RHBDL2: variants seen among roughly 807,000 people sequenced by gnomAD.
RHBDL2 encodes the protein rhomboid like 2.
Under a neutral mutation model 31.7 loss-of-function variants are expected in RHBDL2, and 26 were observed. That is an observed-to-expected ratio of 0.82 (90% CI 0.60 to 1.14). The LOEUF is 1.14. Ranked by LOEUF, RHBDL2 falls within the 50% of genes most tolerant of loss-of-function variation. The probability of loss-of-function intolerance (pLI) is 0.00; values close to 1 mark genes in which losing one functional copy is unlikely to be tolerated. For synonymous variants in RHBDL2, 123 were observed against 127.2 expected, an observed-to-expected ratio of 0.97 and a Z score of 0.22; for missense variants, 336 against 364.4, an observed-to-expected ratio of 0.92 and a Z score of 0.63.
chr1:38,934,922 C>T (rs1380520289), intron 1 of RHBDL2, among the ~76,000 whole-genome samples: 2 of 150,700 alleles, frequency 1.3e-5, no homozygotes, highest in Non-Finnish European at 2.9e-5. Context: ...CATGCCACTG[C>T]ACTCCAGCCT....
chr1:38,896,077 A>T lies in RHBDL2; in HGVS notation c.509-8T>A. On this transcript the variant is annotated splice_region_variant and splice_polypyrimidine_tract_variant and intron_variant, in intron 4 of 7. Coordinates refer to ENST00000372990, the MANE Select transcript of RHBDL2 (RefSeq NM_017821.5). Reference sequence around the variant, plus strand: ...TGGAGCTGGCAAGGGACCCTAAAGAAATAAAACACAAAGGATCAGACATGA... The same window carrying T: ...TGGAGCTGGCAAGGGACCCTAAAGATATAAAACACAAAGGATCAGACATGA... The T allele has an allele frequency of 6.3e-7, 1 of 1,581,862 alleles. No homozygotes were observed. The highest frequency in any genetic ancestry group is 8.7e-7 in the Non-Finnish European group (1 of 1,151,038).
At chr1:38,906,675 A>G (rs1643071605) in intron 4 of RHBDL2, among the ~76,000 whole-genome samples, 1 of 149,450 alleles carries the variant, frequency 6.7e-6, no homozygotes. Context: ...CTCCATCTCA[A>G]AAAAAAAAAA....
At chr1:38,902,673 G>C (rs977575615) in intron 4 of RHBDL2, among the ~76,000 whole-genome samples, 12 of 151,806 alleles carry the variant, frequency 7.9e-5, no homozygotes, top group African/African-American at 2.9e-4. Flanking sequence ...GCCCACCTCG[G>C]CCTCCCCAAG....
intron 3 of RHBDL2, among the ~76,000 whole-genome samples, chr1:38,912,900 ATATATATATATGTGTGTGTG>A (rs71057161): frequency 0.39 from 37,541 of 96,732 alleles, 6,663 homozygotes; most frequent in Non-Finnish European, 0.49. Context: ...ATATATATAT[ATATATATATATGTGTGTGTG>A]TGTGTGTGTG....
chr1:38,912,910 A>ATATATATATATATATG (rs1399583863), intron 3 of RHBDL2, among the ~76,000 whole-genome samples: 2 of 41,392 alleles, frequency 4.8e-5, no homozygotes, highest in Admixed American at 2.9e-4. Flanking sequence ...ATATATATAT[A>ATATATATATATATATG]TGTGTGTGTG....
chr1:38,912,910 A>ATATATATATGTGTGTG (rs1399583863), intron 3 of RHBDL2, among the ~76,000 whole-genome samples: 9 of 41,360 alleles, frequency 2.2e-4, no homozygotes, highest in African/African-American at 8.3e-4. Flanking sequence ...ATATATATAT[A>ATATATATATGTGTGTG]TGTGTGTGTG....
chr1:38,916,640 G>A (rs1643239302), intron 2 of RHBDL2, among the ~76,000 whole-genome samples: 1 of 151,862 alleles, frequency 6.6e-6, no homozygotes, highest in South Asian at 2.1e-4. Flanking sequence ...CTGAGGTCAG[G>A]AGTTCAAGAC....
rs1642915646 is a variant in RHBDL2, at chr1:38,896,035, T to C, written c.543A>G (p.Arg181=). Residue 181 remains arginine (R), a synonymous_variant, in exon 5 of 8, where the codon AGA becomes AGG. Transcript: ENST00000372990. ...CTCCTCCTGAAGCTCCCACAAGATA[T>C]CTGAGTGGGTCAAAGATGGAGCTGG... ...SLASSIFDPL[R]YLVGASGGVY... 1 of 1,613,680 alleles carries C rather than the reference T, an allele frequency of 6.2e-7. No homozygotes were observed. Among genetic ancestry groups the C allele is most frequent in the East Asian group, 2.2e-5 (1 of 44,880 alleles).
At chr1:38,889,907 C>A (rs1214155484) in intron 6 of RHBDL2, among the ~76,000 whole-genome samples, 1 of 152,164 alleles carries the variant, frequency 6.6e-6, no homozygotes, top group Non-Finnish European at 1.5e-5. Flanking sequence ...TGACTAGATT[C>A]CCTTTCAATA....
At chr1:38,923,455 AG>A (rs1240667489) in intron 1 of RHBDL2, among the ~76,000 whole-genome samples, 1 of 152,184 alleles carries the variant, frequency 6.6e-6, no homozygotes, top group Non-Finnish European at 1.5e-5. Context: ...CCTGGGTCCA[AG>A]GTTTCCCTCC....
chr1:38,930,398 G>A (rs6656771), intron 1 of RHBDL2, among the ~76,000 whole-genome samples: 61,881 of 152,050 alleles, frequency 0.41, 15,447 homozygotes, highest in Non-Finnish European at 0.56. Context: ...AGCAAAGCTG[G>A]GGCACAAACC....
chr1:38,917,094 T>C (rs1445261424), intron 2 of RHBDL2, among the ~76,000 whole-genome samples: 7 of 145,238 alleles, frequency 4.8e-5, no homozygotes, highest in Non-Finnish European at 6.0e-5. Context: ...CTCAGCTCAC[T>C]GCAAGTTCTG....
At chr1:38,892,427 C>T (rs1642866032) in intron 6 of RHBDL2, among the ~76,000 whole-genome samples, 1 of 152,112 alleles carries the variant, frequency 6.6e-6, no homozygotes, top group South Asian at 2.1e-4. Flanking sequence ...GTGCCTAGGG[C>T]TCTATTCTCT....
rs745583478 is a variant in RHBDL2, at chr1:38,911,354, A to T, written c.476T>A (p.Val159Glu). The T allele has an allele frequency of 6.2e-7, 1 of 1,613,898 alleles. No individual in the cohort carries two copies. Among genetic ancestry groups the T allele is most frequent in the East Asian group, 2.2e-5 (1 of 44,866 alleles). ...PLEMVHKGLR[V>E]GLVYLAGVIA... ...CACTCCTGCCAGGTACACCAGCCCC[A>T]CACGGAGGCCTTTGTGGACCATTTC... is the stretch of plus-strand genomic sequence containing the variant. Residue 159 changes from valine (V) to glutamate (E), a missense_variant, in exon 4 of 8, where the codon GTG (valine) becomes GAG (glutamate). Physicochemically the swap from Val to Glu is moderately radical, Grantham distance 121 (BLOSUM62 -2). Transcript: ENST00000372990.
intron 4 of RHBDL2, among the ~76,000 whole-genome samples, chr1:38,910,753 CTTT>C (rs765064879): frequency 7.8e-4 from 87 of 111,046 alleles, no homozygotes; most frequent in African/African-American, 1.2e-3. Context: ...TATTCCTTTT[CTTT>C]TTTTTTTTTT....
intron 1 of RHBDL2, chr1:38,926,092 A>G: frequency 1.6e-6 from 2 of 1,216,660 alleles, no homozygotes; most frequent in Admixed American, 2.6e-5. Flanking sequence ...ATCCCACTAC[A>G]GACATTAACC....
At chr1:38,894,614 C>T (rs1485973269) in intron 5 of RHBDL2, among the ~76,000 whole-genome samples, 3 of 151,884 alleles carry the variant, frequency 2.0e-5, no homozygotes, top group African/African-American at 4.8e-5. Context: ...AGCCACCATG[C>T]CTGGCCTAGA....
chr1:38,912,883 C>CATATATATATATAT (rs141150431), intron 3 of RHBDL2, among the ~76,000 whole-genome samples: 26 of 106,600 alleles, frequency 2.4e-4, no homozygotes, highest in African/African-American at 1.2e-3. Flanking sequence ...TACCATATAC[C>CATATATATATATAT]ATATATATAT....
chr1:38,908,534 A>C (rs1007441488), intron 4 of RHBDL2, among the ~76,000 whole-genome samples: 4 of 151,762 alleles, frequency 2.6e-5, no homozygotes, highest in East Asian at 3.9e-4. Flanking sequence ...AAAAAAAAAA[A>C]AAACCATGAT....
Sources: allele counts gnomAD v4.1 joint callset (sites outside exome capture counted in the v4.1 genomes callset), GRCh38; gene constraint gnomAD v4.1.1; transcripts MANE v1.5; gene names NCBI Gene and HGNC (gene_info 2026-07-23, HGNC 2026-07-21).